Variants in COL6A6 observed in about 807,000 individuals in gnomAD.
COL6A6 encodes collagen type VI alpha 6 chain.
Under a neutral mutation model 208.6 loss-of-function variants are expected in COL6A6, and 183 were observed. That is an observed-to-expected ratio of 0.88 (90% CI 0.78 to 0.99). COL6A6 has a LOEUF of 0.99. Ranked by LOEUF, COL6A6 falls within the 50% of genes least tolerant of loss-of-function variation. COL6A6 has a pLI of 0.00. For missense variants in COL6A6, 2,816 were observed against 2,815.2 expected (o/e 1.00, Z -0.01); for synonymous variants, 973 against 1,011.8 (o/e 0.96, Z 0.73).
intron 23 of COL6A6, among the ~76,000 whole-genome samples, chr3:130,620,450 C>T (rs2064676618): frequency 6.6e-6 from 1 of 152,030 alleles, no homozygotes; most frequent in Admixed American, 6.5e-5. Flanking sequence ...AACACATGAT[C>T]AAACTCAAAA....
rs550490761 is a variant in COL6A6 at position 130,641,765 on chromosome 3, A to C, written c.5154+51A>C. The C allele has an allele frequency of 3.5e-6, 4 of 1,128,888 alleles. No homozygotes were observed. The Admixed American group carries it at 6.6e-5, about 19-fold the overall frequency. The allele number at this position is 1,128,888 out of a possible 1,614,324, so 69.9% of individuals were successfully genotyped here. On this transcript the variant is annotated intron_variant, in intron 29 of 36. Coordinates refer to ENST00000358511, the MANE Select transcript of COL6A6 (RefSeq NM_001102608.3). ...GCAGGTCCTTTTCCATTAAAAAAAA[A>C]AAAGTCAGTGCATGAAATCTTCATT... is the stretch of plus-strand genomic sequence containing the variant.
At chr3:130,538,174 G>T (rs532153137) in intron 1 of COL6A6, among the ~76,000 whole-genome samples, 71 of 152,300 alleles carry the variant, frequency 4.7e-4, no homozygotes, top group Admixed American at 1.3e-3. Flanking sequence ...GCTCAACTTT[G>T]CCAAGACTTA....
chr3:130,667,152 T>C (rs2066094089), intron 36 of COL6A6, among the ~76,000 whole-genome samples: 1 of 152,052 alleles, frequency 6.6e-6, no homozygotes, highest in Admixed American at 6.5e-5. Context: ...TCAAGAAAAA[T>C]AAAAAATAAC....
At position 130,568,070 on chromosome 3, in the gene COL6A6, A is replaced by T. The variant is rs201858664; in HGVS notation, c.1867A>T (p.Ile623Phe). 5.6e-6 allele frequency: 9 copies of T among 1,611,586 alleles called. No individual in the cohort carries two copies. The highest frequency in any genetic ancestry group is 7.6e-6 in the Non-Finnish European group (9 of 1,178,898). Reference protein sequence around the residue: ...EEACKEMKADIMFLVDSSGSI... With the variant: ...EEACKEMKADFMFLVDSSGSI... ...AGCTTGCAAAGAGATGAAAGCTGAC[A>T]TCATGTTTCTGGTGGACAGTTCTGG... Residue 623 changes from isoleucine to phenylalanine, a missense_variant, in exon 6 of 37, where the codon ATC becomes TTC. Transcript: ENST00000358511.
chr3:130,529,658 A>T (rs2062038179), intron 1 of COL6A6, among the ~76,000 whole-genome samples: 1 of 152,062 alleles, frequency 6.6e-6, no homozygotes, highest in African/African-American at 2.4e-5. Flanking sequence ...CAGCTTAGTC[A>T]TCTGCTTTTT....
In COL6A6 at chr3:130,617,569, A is replaced by G. The variant is rs376042655; in HGVS notation, c.4816-4252A>G. Among the ~76,000 whole-genome samples the G allele has an allele frequency of 7.7e-4, 118 of 152,302 alleles. 1 individual carries two copies. The South Asian group carries it at 0.023, about 30-fold the overall frequency. On this transcript the variant is annotated intron_variant, in intron 23 of 36. Coordinates refer to ENST00000358511, the MANE Select transcript of COL6A6 (RefSeq NM_001102608.3). ...GTATTAGAAGTTAAGGTTAAGGACT[A>G]GTACTGTCAAGATTGACATCTCAGA... is the stretch of plus-strand genomic sequence containing the variant.
At position 130,563,494 on chromosome 3, in the gene COL6A6, TAGGGGTGCAGAA is replaced by T; in HGVS notation, c.494_505del (p.Gly165_Lys168del). The T allele has an allele frequency of 6.2e-7, 1 of 1,613,944 alleles. No homozygotes were observed. Among genetic ancestry groups the T allele is most frequent in the Admixed American group, 1.7e-5 (1 of 60,010 alleles). ...AAAGACGGAGTGAAAATCATCTCTG[TAGGGGTGCAGAA>T]AGCTTCTGAGGAAAACCTGAAGGCC... On this transcript the variant is annotated inframe_deletion, in exon 3 of 37. Coordinates refer to ENST00000358511, the MANE Select transcript of COL6A6 (RefSeq NM_001102608.3).
At chr3:130,523,683 G>A (rs917582883) in intron 1 of COL6A6, among the ~76,000 whole-genome samples, 3 of 152,176 alleles carry the variant, frequency 2.0e-5, no homozygotes, top group Non-Finnish European at 2.9e-5. Context: ...GACAGTAAAG[G>A]CTACATCCTG....
intron 33 of COL6A6, among the ~76,000 whole-genome samples, chr3:130,649,956 C>T (rs1435960936): frequency 1.3e-5 from 2 of 152,190 alleles, no homozygotes; most frequent in African/African-American, 4.8e-5. Context: ...GATACTGAAT[C>T]AGGAGGCCGG....
intron 18 of COL6A6, among the ~76,000 whole-genome samples, chr3:130,597,408 C>T (rs2063883244): frequency 6.6e-6 from 1 of 152,130 alleles, no homozygotes; most frequent in South Asian, 2.1e-4. Context: ...TCTGTAAGTA[C>T]AAAACCATTT....
intron 22 of COL6A6, among the ~76,000 whole-genome samples, chr3:130,610,402 AT>A (rs2064320675): frequency 6.6e-6 from 1 of 152,102 alleles, no homozygotes; most frequent in African/African-American, 2.4e-5. Context: ...ACCATTCAGT[AT>A]TTTTTTCCAA....
intron 4 of COL6A6, 106 bp from the exon 5 acceptor site, chr3:130,566,596 C>G (rs1237014497): frequency 8.8e-6 from 8 of 913,110 alleles, no homozygotes; most frequent in African/African-American, 8.4e-5. Flanking sequence ...AGCTGTTTCC[C>G]ATTTTTCTGT....
chr3:130,593,818 T>G (rs1488445907), intron 17 of COL6A6, among the ~76,000 whole-genome samples: 3 of 152,044 alleles, frequency 2.0e-5, no homozygotes, highest in African/African-American at 4.8e-5. Flanking sequence ...TTGACAAGGG[T>G]CAGTGGTGCC....
At chr3:130,522,286 G>A (rs899439017) in intron 1 of COL6A6, among the ~76,000 whole-genome samples, 12 of 152,202 alleles carry the variant, frequency 7.9e-5, no homozygotes, top group African/African-American at 2.4e-4. Context: ...AATTCTCATC[G>A]CCTTTTTTGG....
At position 130,592,532 on chromosome 3, in the gene COL6A6, CT is replaced by C. The variant is rs2063743854; in HGVS notation, c.4273-6del. 9 of 1,587,044 alleles carry C rather than the reference CT, an allele frequency of 5.7e-6. No homozygotes were observed. In the East Asian group the frequency reaches 2.0e-4, roughly 36 times the overall value. ...GAAAAAGCTCATTTGGATATGTGCCCTTTCTCAGGGAGAAAGAGGAGCCCCT... is the reference window on the plus strand; with the variant it reads ...GAAAAAGCTCATTTGGATATGTGCCCTTCTCAGGGAGAAAGAGGAGCCCCT... On this transcript the variant is annotated splice_polypyrimidine_tract_variant and splice_region_variant and intron_variant, in intron 13 of 36. Coordinates refer to ENST00000358511, the MANE Select transcript of COL6A6 (RefSeq NM_001102608.3).
In COL6A6 at chr3:130,621,978, A is replaced by G. The variant is rs1452501346; in HGVS notation, c.4878+95A>G. On this transcript the variant is annotated intron_variant, in intron 24 of 36. Transcript: ENST00000358511. ...AGCCAGGGCCCTTTCAACACAAACA[A>G]GAACACATTTTCTGGTCCTTAAACC... 9.5e-5 allele frequency: 101 copies of G among 1,066,986 alleles called. No individual in the cohort carries two copies. The South Asian group carries it at 1.1e-3, about 12-fold the overall frequency. 66.1% of individuals were successfully genotyped at this position (1,066,986 alleles called of 1,614,324 possible).
At chr3:130,606,230 A>G (rs1305390411) in intron 20 of COL6A6, among the ~76,000 whole-genome samples, 1 of 152,204 alleles carries the variant, frequency 6.6e-6, no homozygotes, top group East Asian at 1.9e-4. Context: ...ACAAAATGTC[A>G]TGGTCTCTTG....
At chr3:130,592,499 T>C (rs776285076) in intron 13 of COL6A6, 42 bp from the exon 14 acceptor site, 1 of 1,469,482 alleles carries the variant, frequency 6.8e-7, no homozygotes, top group African/African-American at 1.4e-5. Flanking sequence ...AGATCTCAGA[T>C]TACAATAGAA....
In COL6A6 at chr3:130,571,172, C is replaced by T; in HGVS notation, c.2756C>T (p.Thr919Ile). The T allele has an allele frequency of 6.2e-7, 1 of 1,613,354 alleles. No homozygotes were observed. The highest frequency in any genetic ancestry group is 8.5e-7 in the Non-Finnish European group (1 of 1,179,520). ...GTCCCCCAAGTCCTCATTGTGATCACCGATGGGGAATCCCATGATGCTGAT... is the reference window on the plus strand; with the variant it reads ...GTCCCCCAAGTCCTCATTGTGATCATCGATGGGGAATCCCATGATGCTGAT... ...KGVPQVLIVITDGESHDADKL... is the reference protein window; with the variant it reads ...KGVPQVLIVIIDGESHDADKL... The change falls in exon 7 of 37, where the codon ACC (threonine) becomes ATC (isoleucine). Residue 919 changes from threonine (T) to isoleucine (I), a missense_variant. Transcript: ENST00000358511.
Sources: gnomAD v4.1 joint callset for allele counts (sites outside exome capture counted in the v4.1 genomes callset) on GRCh38, gnomAD v4.1.1 for gene constraint, MANE v1.5 for transcripts, NCBI Gene and HGNC (gene_info 2026-07-23, HGNC 2026-07-21) for gene names.